The following DCK variants were observed in gnomAD, a reference collection of about 807,000 sequenced individuals.
DCK encodes deoxyadenosine kinase.
Under a neutral mutation model 38.3 loss-of-function variants are expected in DCK, and 23 were observed. That is an observed-to-expected ratio of 0.60 (90% CI 0.43 to 0.85). The LOEUF (loss-of-function observed/expected upper bound fraction) is 0.85. Among genes scored for constraint, DCK ranks in the 40% least tolerant of loss-of-function variants. The probability of loss-of-function intolerance (pLI) is 0.00; values close to 1 mark genes in which losing one functional copy is unlikely to be tolerated. For missense variants in DCK, 259 were observed against 304.4 expected (o/e 0.85, Z 1.11); for synonymous variants, 108 against 100.6 (o/e 1.07, Z -0.44).
At chr4:71,019,824 G>A (rs1156765324) in intron 2 of DCK, among the ~76,000 whole-genome samples, 1 of 151,588 alleles carries the variant, frequency 6.6e-6, no homozygotes, top group Non-Finnish European at 1.5e-5. Flanking sequence ...GTCTTGCTCT[G>A]TCACCCAGGC....
chr4:70,994,044 G>A, intron 1 of DCK, 118 bp downstream of exon 1: 1 of 774,320 alleles, frequency 1.3e-6, no homozygotes, highest in Non-Finnish European at 2.2e-6. Context: ...CAGCCTGGCG[G>A]TGTGGACGCG....
At position 71,026,767 on chromosome 4, in the gene DCK, C is replaced by CA. The variant is rs1740556768; in HGVS notation, c.756+13dup. Reference sequence around the variant, plus strand: ...GTCTGGTTGAAAAGGTAGATTTAGACAGACTACAAACAAATATTTGTTTTT... The same window carrying CA: ...GTCTGGTTGAAAAGGTAGATTTAGACAAGACTACAAACAAATATTTGTTTTT... On this transcript the variant is annotated intron_variant, in intron 6 of 6. Transcript: ENST00000286648. The CA allele has an allele frequency of 2.3e-6, 3 of 1,278,620 alleles. No individual in the cohort carries two copies. Among genetic ancestry groups the CA allele is most frequent in the Non-Finnish European group, 3.4e-6 (3 of 888,414 alleles). 79.2% of individuals were successfully genotyped at this position (1,278,620 alleles called of 1,614,324 possible).
At chr4:71,021,803 C>A (rs1238262630) in intron 2 of DCK, among the ~76,000 whole-genome samples, 4 of 152,072 alleles carry the variant, frequency 2.6e-5, no homozygotes, top group African/African-American at 9.7e-5. Context: ...GAGATGGAGA[C>A]CATCCTGGCT....
At chr4:71,014,567 G>C (rs926870434) in intron 2 of DCK, among the ~76,000 whole-genome samples, 1 of 141,008 alleles carries the variant, frequency 7.1e-6, no homozygotes, top group Non-Finnish European at 1.6e-5. Context: ...ATAAAAAACT[G>C]TCTCTCAGAC....
Position 71,029,517 on chromosome 4 carries a change from A to G in DCK, c.*139A>G, listed in dbSNP as rs866214922. 62 of 663,132 alleles carry G rather than the reference A, an allele frequency of 9.3e-5. No homozygotes were observed. The highest frequency in any genetic ancestry group is 8.2e-4 in the African/African-American group (44 of 53,680). 41.1% of individuals were successfully genotyped at this position (663,132 alleles called of 1,614,324 possible). A position where few individuals can be genotyped will look rare whatever the true frequency, so the allele number is the denominator to read the frequency against. ...TGTTTTAAGGAAAAAAGATTTTTAA[A>G]ATGAATCTTATGCAAAACTTTTTGA... On this transcript the variant is annotated 3_prime_UTR_variant, in exon 7 of 7. Transcript: ENST00000286648.
chr4:71,014,221 A>T (rs189327440), intron 2 of DCK, among the ~76,000 whole-genome samples: 91 of 152,364 alleles, frequency 6.0e-4, no homozygotes, highest in African/African-American at 2.1e-3. Context: ...AGAGCTAACT[A>T]TCCTAAATAT....
chr4:71,028,422 T>C lies in DCK; in HGVS notation c.757-930T>C, dbSNP rs574804417. 3.8e-4 allele frequency among the ~76,000 whole-genome samples: 58 copies of C among 152,122 alleles called. 1 individual carries two copies. In the South Asian group the frequency reaches 0.012, roughly 32 times the overall value. On this transcript the variant is annotated intron_variant, in intron 6 of 6. Coordinates refer to ENST00000286648, the MANE Select transcript of DCK (RefSeq NM_000788.3). ...GCTTGGGCAACATAGTGAGACCTCA[T>C]CTCTATAAAAAACAAACAAAAACTA...
In DCK at chr4:71,001,080, C is replaced by T. The variant is rs1050734539; in HGVS notation, c.207+2898C>T. Reference sequence around the variant, plus strand: ...AATAGGAGAGGTGAGAGAGGGCATCCTTATCCTGTGCCGATTTTTGAAGGG... The same window carrying T: ...AATAGGAGAGGTGAGAGAGGGCATCTTTATCCTGTGCCGATTTTTGAAGGG... On this transcript the variant is annotated intron_variant, in intron 2 of 6. Transcript: ENST00000286648. Among the ~76,000 whole-genome samples the T allele has an allele frequency of 4.6e-5, 7 of 152,058 alleles. No individual in the cohort carries two copies. In the East Asian group the frequency reaches 1.3e-3, roughly 29 times the overall value.
chr4:71,006,133 CAAAAAA>C (rs67497388), intron 2 of DCK, among the ~76,000 whole-genome samples: 1 of 104,338 alleles, frequency 9.6e-6, no homozygotes, highest in Non-Finnish European at 1.9e-5. Flanking sequence ...ACAAAAACAC[CAAAAAA>C]AAAAAAAAAA....
chr4:71,001,168 C>G (rs1739792183), intron 2 of DCK, among the ~76,000 whole-genome samples: 1 of 152,064 alleles, frequency 6.6e-6, no homozygotes, highest in African/African-American at 2.4e-5. Context: ...TCATCAATAC[C>G]TAGTTTATTG....
chr4:71,025,045 G>A (rs1043429003), intron 4 of DCK, among the ~76,000 whole-genome samples: 2 of 151,996 alleles, frequency 1.3e-5, no homozygotes, highest in Admixed American at 6.6e-5. Context: ...TTTGTATGCT[G>A]CCATGGTCTT....
chr4:71,020,858 A>C (rs543913558), intron 2 of DCK, among the ~76,000 whole-genome samples: 1 of 152,072 alleles, frequency 6.6e-6, no homozygotes, highest in African/African-American at 2.4e-5. Context: ...AATATACAAG[A>C]TGAAGCTCAT....
intron 2 of DCK, among the ~76,000 whole-genome samples, chr4:71,017,511 A>G (rs1740301447): frequency 6.6e-6 from 1 of 152,128 alleles, no homozygotes; most frequent in Non-Finnish European, 1.5e-5. Flanking sequence ...TCACAATAGC[A>G]AAGACTTGGA....
intron 2 of DCK, 148 bp downstream of exon 2, chr4:70,998,330 T>C: frequency 2.2e-6 from 1 of 451,454 alleles, no homozygotes; most frequent in Non-Finnish European, 3.9e-6. Context: ...CATGGATATA[T>C]ATACAGTTGG....
intron 2 of DCK, among the ~76,000 whole-genome samples, chr4:71,018,412 G>A (rs1245358591): frequency 2.0e-5 from 3 of 152,072 alleles, no homozygotes; most frequent in Non-Finnish European, 4.4e-5. Context: ...ACAGGCGTGA[G>A]CCACTGCGCC....
rs986021404 is a variant in DCK at position 71,000,536 on chromosome 4, A to T, written c.207+2354A>T. Reference sequence around the variant, plus strand: ...TTTGGTTCCATATGAAATTTAAGGTAGTTTTTTCTAATTCTGTGAAGAAAG... The same window carrying T: ...TTTGGTTCCATATGAAATTTAAGGTTGTTTTTTCTAATTCTGTGAAGAAAG... On this transcript the variant is annotated intron_variant, in intron 2 of 6. Coordinates refer to ENST00000286648, the MANE Select transcript of DCK (RefSeq NM_000788.3). Among the ~76,000 whole-genome samples, 5 of 152,274 alleles carry T rather than the reference A, an allele frequency of 3.3e-5. No individual in the cohort carries two copies. The East Asian group carries it at 9.6e-4, about 29-fold the overall frequency.
intron 2 of DCK, among the ~76,000 whole-genome samples, chr4:71,018,180 G>T (rs970592099): frequency 7.3e-6 from 1 of 137,324 alleles, no homozygotes; most frequent in Non-Finnish European, 1.5e-5. Context: ...AGGCTGGAGT[G>T]CAGTGGCGCC....
chr4:71,026,527 T>C, intron 5 of DCK, 138 bp from the exon 6 acceptor site: 1 of 626,620 alleles, frequency 1.6e-6, no homozygotes, highest in South Asian at 1.9e-5. Context: ...GGCTGCCAGA[T>C]GAAGTACTGC....
intron 1 of DCK, 116 bp downstream of exon 1, chr4:70,994,042 C>A (rs1739604683): frequency 2.6e-6 from 2 of 778,254 alleles, no homozygotes; most frequent in East Asian, 2.8e-5. Context: ...TCCAGCCTGG[C>A]GGTGTGGACG....
Sources: allele counts gnomAD v4.1 joint callset (sites outside exome capture counted in the v4.1 genomes callset), GRCh38; gene constraint gnomAD v4.1.1; transcripts MANE v1.5; gene names NCBI Gene and HGNC (gene_info 2026-07-23, HGNC 2026-07-21).